The following USPL1 variants were observed in gnomAD, a reference collection of about 807,000 sequenced individuals.
USPL1 encodes the protein SUMO-specific isopeptidase USPL1.
A neutral mutation model predicts 51.5 loss-of-function variants in USPL1; 27 were observed. That is an observed-to-expected ratio of 0.52 (90% CI 0.39 to 0.72). USPL1 has a LOEUF of 0.72. Ranked by LOEUF, USPL1 falls within the 30% of genes least tolerant of loss-of-function variation. USPL1 has a pLI of 0.00. For missense variants in USPL1, 1,226 were observed against 1,268.0 expected (o/e 0.97, Z 0.50); for synonymous variants, 451 against 459.6 (o/e 0.98, Z 0.24).
At chr13:30,647,195 T>G in intron 7 of USPL1, 138 bp downstream of exon 7, 1 of 1,012,664 alleles carries the variant, frequency 9.9e-7, no homozygotes, top group African/African-American at 1.6e-5. Context: ...GGTTGCCAGC[T>G]GCCTCGCTCT....
At chr13:30,643,062 T>G (rs2137676411) in intron 6 of USPL1, among the ~76,000 whole-genome samples, 2 of 152,290 alleles carry the variant, frequency 1.3e-5, no homozygotes, top group South Asian at 4.1e-4. Flanking sequence ...GGGGTTTTGC[T>G]TGTTTACTTT....
In USPL1 at chr13:30,642,688, A is replaced by G; in HGVS notation, c.1043A>G (p.Glu348Gly). 1.2e-6 allele frequency: 2 copies of G among 1,613,976 alleles called. No homozygotes were observed. Among genetic ancestry groups the G allele is most frequent in the Non-Finnish European group, 1.7e-6 (2 of 1,179,900 alleles). The change falls in exon 6 of 9, where the codon GAA (glutamate) becomes GGA (glycine). Residue 348 changes from glutamate (E) to glycine (G), a missense_variant. Glu to Gly is a moderately conservative substitution (Grantham distance 98). Transcript: ENST00000255304. ...PLLLKLETHIEKLFLYSFSWD... is the reference protein window; with the variant it reads ...PLLLKLETHIGKLFLYSFSWD... The stretch of plus-strand genomic sequence containing the variant: ...CTCTTAAAACTAGAAACCCACATTG[A>G]AAAGCTCTTCCTATATTCTTTTTCT...
In USPL1 at chr13:30,621,223, T is replaced by C; in HGVS notation, c.83T>C (p.Val28Ala). 1.3e-6 allele frequency: 2 copies of C among 1,589,370 alleles called. No homozygotes were observed. Among genetic ancestry groups the C allele is most frequent in the Non-Finnish European group, 1.7e-6 (2 of 1,171,630 alleles). Residue 28 changes from valine to alanine, a missense_variant, in exon 2 of 9, where the codon GTG becomes GCG. Val to Ala is a moderately conservative substitution (Grantham distance 64). Coordinates refer to ENST00000255304, the MANE Select transcript of USPL1 (RefSeq NM_005800.5). ...ATAGGGATATCTTCACTCCACATGG[T>C]GGGGTATTTGGGAAAAGTTAGTGAA... ...TDIGISSLHM[V>A]GYLGKNFDSA... is the part of the protein sequence containing the mutation.
chr13:30,649,490 A>G (rs565440531), intron 7 of USPL1, among the ~76,000 whole-genome samples: 87 of 152,338 alleles, frequency 5.7e-4, no homozygotes, highest in African/African-American at 2.1e-3. Context: ...ATGTCTCCCC[A>G]TTGGGAAAAG....
intron 1 of USPL1, 44 bp from the exon 2 acceptor site, chr13:30,621,029 A>T: frequency 1.2e-6 from 1 of 831,406 alleles, no homozygotes. Flanking sequence ...TTTTTATAGT[A>T]AATAGAATTT....
chr13:30,649,667 C>G (rs747454285), intron 7 of USPL1, among the ~76,000 whole-genome samples: 3 of 152,256 alleles, frequency 2.0e-5, no homozygotes, highest in African/African-American at 4.8e-5. Context: ...GCCACAGTCT[C>G]TCTTGAGTGC....
At chr13:30,632,178 A>G (rs997943273) in intron 4 of USPL1, among the ~76,000 whole-genome samples, 1 of 151,444 alleles carries the variant, frequency 6.6e-6, no homozygotes, top group Admixed American at 6.6e-5. Context: ...ATGTGTTCTC[A>G]TTGTTCAACT....
intron 4 of USPL1, among the ~76,000 whole-genome samples, chr13:30,634,132 T>A (rs71434800): frequency 0.015 from 2,321 of 152,330 alleles, 34 homozygotes; most frequent in Middle Eastern, 0.051. Context: ...ATTACTATGC[T>A]CGTGCTTTGG....
intron 5 of USPL1, among the ~76,000 whole-genome samples, chr13:30,641,906 ATTT>A (rs779288804): frequency 1.4e-5 from 2 of 141,468 alleles, no homozygotes; most frequent in Admixed American, 7.1e-5. Context: ...CATTTCCATA[ATTT>A]TTTTTTTTTT....
Position 30,657,747 on chromosome 13 carries a change from C to T in USPL1, c.1670C>T (p.Pro557Leu). Reference sequence around the variant, plus strand: ...CACCCTAAAGATATATCAGTTGCCCCTCGTACTCTTTCACAGGACACAGCT... The same window carrying T: ...CACCCTAAAGATATATCAGTTGCCCTTCGTACTCTTTCACAGGACACAGCT... ...VTHPKDISVA[P>L]RTLSQDTAVT... Residue 557 changes from proline to leucine, a missense_variant, in exon 9 of 9, where the codon CCT becomes CTT. Coordinates refer to ENST00000255304, the MANE Select transcript of USPL1 (RefSeq NM_005800.5). The T allele has an allele frequency of 6.2e-7, 1 of 1,614,182 alleles. No individual in the cohort carries two copies. Among genetic ancestry groups the T allele is most frequent in the Non-Finnish European group, 8.5e-7 (1 of 1,180,036 alleles).
At chr13:30,637,046 C>T (rs913953835) in intron 4 of USPL1, among the ~76,000 whole-genome samples, 18 of 152,156 alleles carry the variant, frequency 1.2e-4, no homozygotes, top group African/African-American at 2.4e-4. Flanking sequence ...CCCTAACCCT[C>T]CTGGGCTCAA....
At position 30,657,749 on chromosome 13, in the gene USPL1, C is replaced by T. The variant is rs144617283; in HGVS notation, c.1672C>T (p.Arg558Cys). 1.5e-4 allele frequency: 235 copies of T among 1,614,134 alleles called. No homozygotes were observed. Among genetic ancestry groups the T allele is most frequent in the Middle Eastern group, 1.3e-3 (8 of 6,062 alleles). ...CCCTAAAGATATATCAGTTGCCCCT[C>T]GTACTCTTTCACAGGACACAGCTGT... ...THPKDISVAP[R>C]TLSQDTAVTH... is the part of the protein sequence containing the mutation. Residue 558 changes from arginine (R) to cysteine (C), a missense_variant, in exon 9 of 9, where the codon CGT becomes TGT. Coordinates refer to ENST00000255304, the MANE Select transcript of USPL1 (RefSeq NM_005800.5).
intron 7 of USPL1, among the ~76,000 whole-genome samples, chr13:30,650,608 A>G (rs140088170): frequency 9.9e-5 from 15 of 151,180 alleles, no homozygotes; most frequent in African/African-American, 3.2e-4. Context: ...AATGCTGCTT[A>G]TTTAACTGTG....
chr13:30,621,272 GTT>G (rs758180582), intron 2 of USPL1, 33 bp downstream of exon 2: 71 of 1,249,728 alleles, frequency 5.7e-5, no homozygotes, highest in Admixed American at 1.1e-4. Context: ...TGAGTGCAAA[GTT>G]TTTTTTTTTT....
At chr13:30,639,527 T>G (rs1950919547) in intron 5 of USPL1, among the ~76,000 whole-genome samples, 1 of 152,176 alleles carries the variant, frequency 6.6e-6, no homozygotes, top group Admixed American at 6.6e-5. Context: ...AGAACTGTTG[T>G]AATTTATGCA....
At chr13:30,644,138 C>G (rs949816137) in intron 6 of USPL1, among the ~76,000 whole-genome samples, 1 of 151,572 alleles carries the variant, frequency 6.6e-6, no homozygotes, top group East Asian at 2.0e-4. Flanking sequence ...CAAAAATTAG[C>G]CGGGCATGAT....
intron 3 of USPL1, 111 bp from the exon 4 acceptor site, chr13:30,630,724 G>A (rs774932373): frequency 1.4e-4 from 167 of 1,189,584 alleles, no homozygotes; most frequent in Non-Finnish European, 1.8e-4. Flanking sequence ...AATATAACCT[G>A]TCATCAAATC....
Position 30,658,846 on chromosome 13 carries a change from G to A in USPL1, c.2769G>A (p.Val923=), listed in dbSNP as rs1162204643. 9 of 1,613,744 alleles carry A rather than the reference G, an allele frequency of 5.6e-6. No individual in the cohort carries two copies. Among genetic ancestry groups the A allele is most frequent in the African/African-American group, 2.7e-5 (2 of 74,916 alleles). The change falls in exon 9 of 9, where the codon GTG becomes GTA. Residue 923 remains valine (V), a synonymous_variant. Coordinates refer to ENST00000255304, the MANE Select transcript of USPL1 (RefSeq NM_005800.5). ...TTCGAAGTGAAAATCTAGAACAGGT[G>A]CCCCAGGATGGGTCTCCAAATGATT... ...RTVRSENLEQ[V]PQDGSPNDCE...
Position 30,657,851 on chromosome 13 carries a change from A to G in USPL1, c.1774A>G (p.Ile592Val), listed in dbSNP as rs769862867. The G allele has an allele frequency of 1.2e-6, 2 of 1,614,052 alleles. No individual in the cohort carries two copies. The highest frequency in any genetic ancestry group is 1.1e-5 in the South Asian group (1 of 91,074). The change falls in exon 9 of 9, where the codon ATC becomes GTC. Residue 592 changes from isoleucine (I) to valine (V), a missense_variant. Physicochemically the swap from Ile to Val is conservative, Grantham distance 29. Transcript: ENST00000255304. The part of the protein sequence containing the change: ...NILPLTLEET[I>V]QKTASVSQLN... ...TTTACCTCTGACACTTGAAGAAACTATCCAGAAAACAGCCTCAGTTTCACA... is the reference window on the plus strand; with the variant it reads ...TTTACCTCTGACACTTGAAGAAACTGTCCAGAAAACAGCCTCAGTTTCACA...
Sources: gnomAD v4.1 joint callset for allele counts (sites outside exome capture counted in the v4.1 genomes callset) on GRCh38, gnomAD v4.1.1 for gene constraint, MANE v1.5 for transcripts, NCBI Gene and HGNC (gene_info 2026-07-23, HGNC 2026-07-21) for gene names.